Variants in CDC14A observed in about 807,000 individuals in gnomAD.
CDC14A encodes the protein dual specificity protein phosphatase CDC14A.
Under a neutral mutation model 74.4 loss-of-function variants are expected in CDC14A, and 53 were observed. That is an observed-to-expected ratio of 0.71 (90% confidence interval 0.57 to 0.89). The LOEUF is 0.89. CDC14A is among the 40% of genes least tolerant of loss of function. The pLI is 0.00. For synonymous variants in CDC14A, 247 were observed against 258.4 expected, an observed-to-expected ratio of 0.96 and a Z score of 0.43; for missense variants, 646 against 713.7, an observed-to-expected ratio of 0.91 and a Z score of 1.08.
At chr1:100,475,468 AG>A (rs1314050338) in intron 10 of CDC14A, among the ~76,000 whole-genome samples, 3 of 152,284 alleles carry the variant, frequency 2.0e-5, no homozygotes, top group African/African-American at 7.2e-5. Flanking sequence ...ACATTTTCCT[AG>A]TATGTTGAGA....
chr1:100,392,939 T>C, intron 4 of CDC14A: 1 of 792,970 alleles, frequency 1.3e-6, no homozygotes. Flanking sequence ...TAAACATCAA[T>C]GGTTTTGGGA....
chr1:100,479,730 T>C (rs1669266495), intron 10 of CDC14A, among the ~76,000 whole-genome samples: 1 of 152,194 alleles, frequency 6.6e-6, no homozygotes, highest in African/African-American at 2.4e-5. Flanking sequence ...GACATTTTTG[T>C]AGTAACACTC....
At chr1:100,459,086 A>AACACACACAC (rs751247467) in intron 8 of CDC14A, among the ~76,000 whole-genome samples, 2,038 of 128,474 alleles carry the variant, frequency 0.016, 35 homozygotes, top group African/African-American at 0.037. Context: ...CTTCTATTTA[A>AACACACACAC]ACACACACAC....
chr1:100,449,130 G>A (rs530430955), intron 7 of CDC14A, among the ~76,000 whole-genome samples: 16 of 152,214 alleles, frequency 1.1e-4, no homozygotes, highest in South Asian at 2.1e-4. Context: ...GCTCTTTTGG[G>A]GAAAGACCAT....
intron 3 of CDC14A, 114 bp from the exon 4 acceptor site, chr1:100,390,618 G>T: frequency 3.0e-6 from 2 of 658,212 alleles, no homozygotes; most frequent in South Asian, 1.9e-5. Flanking sequence ...GTTGAAAGTT[G>T]TTAAATTTTA....
At chr1:100,487,178 AATT>A (rs1166022505) in intron 11 of CDC14A, among the ~76,000 whole-genome samples, 1 of 152,206 alleles carries the variant, frequency 6.6e-6, no homozygotes, top group Non-Finnish European at 1.5e-5. Flanking sequence ...AGAGATTCTA[AATT>A]ATTATTTTCT....
At chr1:100,372,962 G>T (rs1186942181) in intron 2 of CDC14A, among the ~76,000 whole-genome samples, 1 of 152,180 alleles carries the variant, frequency 6.6e-6, no homozygotes, top group Non-Finnish European at 1.5e-5. Context: ...CTCCATATCA[G>T]CAATAAAGCT....
chr1:100,407,749 G>T (rs986341283), intron 4 of CDC14A, among the ~76,000 whole-genome samples: 3 of 152,140 alleles, frequency 2.0e-5, no homozygotes, highest in Non-Finnish European at 4.4e-5. Context: ...TTGAATAGGA[G>T]TGGTGTCTCA....
At chr1:100,447,082 A>G (rs1665631172) in intron 7 of CDC14A, among the ~76,000 whole-genome samples, 2 of 152,184 alleles carry the variant, frequency 1.3e-5, no homozygotes, top group East Asian at 1.9e-4. Context: ...TAGCTAGAGT[A>G]TGGATTCTGT....
At chr1:100,399,836 C>T (rs1484934678) in intron 4 of CDC14A, among the ~76,000 whole-genome samples, 1 of 150,614 alleles carries the variant, frequency 6.6e-6, no homozygotes, top group Non-Finnish European at 1.5e-5. Flanking sequence ...CCACTGCACT[C>T]CAGCCCAGAC....
intron 4 of CDC14A, 195 bp downstream of exon 4, chr1:100,391,019 G>C (rs1202537080): frequency 1.6e-6 from 1 of 617,536 alleles, no homozygotes; most frequent in Non-Finnish European, 3.0e-6. Flanking sequence ...TTTTCTACTA[G>C]TTAATGAGAG....
chr1:100,382,986 C>A (rs1656357930), intron 3 of CDC14A, among the ~76,000 whole-genome samples: 1 of 152,184 alleles, frequency 6.6e-6, no homozygotes, highest in Non-Finnish European at 1.5e-5. Flanking sequence ...GACTAGACCA[C>A]CCTATTATAA....
In CDC14A at chr1:100,488,032, A is replaced by G. The variant is rs548503730; in HGVS notation, c.1137+3581A>G. On this transcript the variant is annotated intron_variant, in intron 11 of 15. Transcript: ENST00000336454. The stretch of plus-strand genomic sequence containing the variant: ...GAAAAAAAAAGGACAGAGACATGAA[A>G]TTGGTAATAATCTAAGCTACACAAG... 1.1e-4 allele frequency among the ~76,000 whole-genome samples: 17 copies of G among 152,366 alleles called. No homozygotes were observed. The South Asian group carries it at 3.5e-3, about 32-fold the overall frequency.
At chr1:100,400,168 T>C (rs17122404) in intron 4 of CDC14A, among the ~76,000 whole-genome samples, 9,978 of 152,284 alleles carry the variant, frequency 0.066, 677 homozygotes, top group African/African-American at 0.17. Context: ...GTTTAAATCA[T>C]TGGACACTGA....
At chr1:100,488,338 G>C (rs1670258920) in intron 11 of CDC14A, among the ~76,000 whole-genome samples, 1 of 152,110 alleles carries the variant, frequency 6.6e-6, no homozygotes, top group African/African-American at 2.4e-5. Context: ...CTGAGGTAGA[G>C]GTCAAACCAT....
At chr1:100,485,305 C>G (rs1280746998) in intron 11 of CDC14A, 7 of 984,808 alleles carry the variant, frequency 7.1e-6, no homozygotes, top group Non-Finnish European at 8.4e-6. Flanking sequence ...TAGTTTAGGT[C>G]TTTCTACCAC....
intron 15 of CDC14A, among the ~76,000 whole-genome samples, chr1:100,517,172 A>C (rs1650302326): frequency 6.6e-6 from 1 of 152,184 alleles, no homozygotes; most frequent in Admixed American, 6.5e-5. Context: ...TGGGGTGTAA[A>C]ATTCACTGCA....
In CDC14A at chr1:100,436,420, C is replaced by T. The variant is rs374623159; in HGVS notation, c.390-3512C>T. Among the ~76,000 whole-genome samples, 93 of 151,494 alleles carry T rather than the reference C, an allele frequency of 6.1e-4. 3 individuals are homozygous for T. The South Asian group carries it at 0.018, about 30-fold the overall frequency. On this transcript the variant is annotated intron_variant, in intron 5 of 15. Transcript: ENST00000336454. Reference sequence around the variant, plus strand: ...ACCTGGTATTAATTGTGTTGGTTATCATTTTTTTTTTTGGTTTTTTTGGAG... The same window carrying T: ...ACCTGGTATTAATTGTGTTGGTTATTATTTTTTTTTTTGGTTTTTTTGGAG...
chr1:100,359,478 C>T (rs1652380416), intron 2 of CDC14A, among the ~76,000 whole-genome samples: 1 of 152,166 alleles, frequency 6.6e-6, no homozygotes, highest in African/African-American at 2.4e-5. Context: ...CTTGATCCCT[C>T]TAACTTGGGT....
Sources: allele counts gnomAD v4.1 joint callset (sites outside exome capture counted in the v4.1 genomes callset), GRCh38; gene constraint gnomAD v4.1.1; transcripts MANE v1.5; gene names NCBI Gene and HGNC (gene_info 2026-07-23, HGNC 2026-07-21).